The following TENM2 variants were observed in gnomAD, a reference collection of about 807,000 sequenced individuals.
The protein encoded by TENM2 is teneurin-2.
TENM2 carries 52 observed loss-of-function variants against 245.2 expected under a neutral mutation model. The ratio of observed to expected loss-of-function variants is 0.21; its 90% CI spans 0.17 to 0.27. The LOEUF (loss-of-function observed/expected upper bound fraction) is 0.27, where lower values mean the gene tolerates loss of function less well. Ranked by LOEUF, TENM2 falls within the 10% of genes least tolerant of loss-of-function variation. The pLI is 1.00. For missense variants in TENM2, 3,046 were observed against 3,666.8 expected, an observed-to-expected ratio of 0.83 and a Z score of 4.37; for synonymous variants, 1,363 against 1,438.9, an observed-to-expected ratio of 0.95 and a Z score of 1.19.
the TENM2 span, among the ~76,000 whole-genome samples, chr5:167,043,054 A>T: frequency 6.6e-6 from 1 of 152,222 alleles, no homozygotes; most frequent in Non-Finnish European, 1.5e-5. Context: ...GATCTCCAAA[A>T]TAAATTTGTT....
At chr5:167,092,554 T>C in the TENM2 span, among the ~76,000 whole-genome samples, 4 of 152,196 alleles carry the variant, frequency 2.6e-5, no homozygotes, top group African/African-American at 4.8e-5. Flanking sequence ...CCACGGATTA[T>C]GCTACATGTT....
intron 2 of TENM2, among the ~76,000 whole-genome samples, chr5:167,611,820 C>A (rs192713570): frequency 6.6e-6 from 1 of 151,960 alleles, no homozygotes; most frequent in East Asian, 1.9e-4. Flanking sequence ...TCTTCTATAA[C>A]GGCACTAATT....
At chr5:167,832,214 C>T (rs1768563144) in intron 2 of TENM2, among the ~76,000 whole-genome samples, 1 of 152,190 alleles carries the variant, frequency 6.6e-6, no homozygotes, top group South Asian at 2.1e-4. Flanking sequence ...TATTTAGAGG[C>T]AAAGATTTAC....
At chr5:167,352,447 T>A (rs1263150882) in intron 1 of TENM2, among the ~76,000 whole-genome samples, 2 of 152,232 alleles carry the variant, frequency 1.3e-5, no homozygotes, top group African/African-American at 2.4e-5. Flanking sequence ...ATTGAGTCTT[T>A]GATTATTCTT....
chr5:167,488,048 C>T (rs1041009618), intron 2 of TENM2, among the ~76,000 whole-genome samples: 5 of 152,096 alleles, frequency 3.3e-5, no homozygotes, highest in African/African-American at 1.2e-4. Flanking sequence ...GAATTGCACC[C>T]ACATCAATAA....
exon 11 of TENM2, chr5:168,124,915 C>T (rs375848462): frequency 6.2e-7 from 1 of 1,613,022 alleles, no homozygotes; most frequent in African/African-American, 1.3e-5. Flanking sequence ...CCTGTGCAGC[C>T]CTGGCTGGGG....
At chr5:167,303,683 GTCTGTATC>G (rs1755495253) in intron 1 of TENM2, among the ~76,000 whole-genome samples, 1 of 152,158 alleles carries the variant, frequency 6.6e-6, no homozygotes, top group African/African-American at 2.4e-5. Context: ...CTGACAGTGG[GTCTGTATC>G]TCCTTTTCAA....
chr5:167,038,919 CA>C, the TENM2 span, among the ~76,000 whole-genome samples: 9 of 152,010 alleles, frequency 5.9e-5, no homozygotes, highest in Non-Finnish European at 1.3e-4. Context: ...CAAAGAAATT[CA>C]GTAAGAAATG....
intron 1 of TENM2, among the ~76,000 whole-genome samples, chr5:167,308,910 G>T (rs201665753): frequency 1.3e-5 from 2 of 152,084 alleles, no homozygotes; most frequent in African/African-American, 4.8e-5. Flanking sequence ...TGAAGGTTAG[G>T]GAGGGCATTC....
chr5:167,723,620 C>T (rs1759788677), intron 2 of TENM2, among the ~76,000 whole-genome samples: 1 of 152,132 alleles, frequency 6.6e-6, no homozygotes, highest in African/African-American at 2.4e-5. Flanking sequence ...TGGTTGCACC[C>T]CTGGACTTCG....
At chr5:167,657,265 A>G (rs1185510068) in intron 2 of TENM2, among the ~76,000 whole-genome samples, 1 of 152,222 alleles carries the variant, frequency 6.6e-6, no homozygotes, top group Admixed American at 6.5e-5. Context: ...ATTTCACTCA[A>G]GATAATATCC....
intron 15 of TENM2, among the ~76,000 whole-genome samples, chr5:168,198,056 G>C (rs528891569): frequency 6.6e-6 from 1 of 152,268 alleles, no homozygotes; most frequent in East Asian, 1.9e-4. Flanking sequence ...TTTCTATAAA[G>C]GGCCAGAGAG....
intron 25 of TENM2, among the ~76,000 whole-genome samples, chr5:168,241,896 T>G (rs1023700051): frequency 2.6e-5 from 4 of 152,188 alleles, no homozygotes; most frequent in African/African-American, 9.7e-5. Flanking sequence ...CTTATTATTT[T>G]CCTATGATCT....
At chr5:167,994,837 G>T (rs1580998840) in intron 5 of TENM2, among the ~76,000 whole-genome samples, 2 of 152,290 alleles carry the variant, frequency 1.3e-5, no homozygotes, top group Middle Eastern at 6.8e-3. Context: ...GTAATGGATT[G>T]ACCTCAGAAA....
chr5:167,218,420 G>A, the TENM2 span, among the ~76,000 whole-genome samples: 1 of 151,962 alleles, frequency 6.6e-6, no homozygotes, highest in Non-Finnish European at 1.5e-5. Context: ...CTCAGAATTA[G>A]GTAGGCTCAA....
At chr5:167,518,152 C>A (rs922877533) in intron 2 of TENM2, among the ~76,000 whole-genome samples, 2 of 150,096 alleles carry the variant, frequency 1.3e-5, no homozygotes, top group African/African-American at 2.5e-5. Context: ...TAGAGCAAGA[C>A]CCTGTCTCAA....
rs1160567618 is a variant in TENM2, at chr5:167,860,082, G to A, written c.503-15904G>A. Among the ~76,000 whole-genome samples the A allele has an allele frequency of 7.0e-4, 45 of 64,080 alleles. 2 individuals carry two copies. The highest frequency in any genetic ancestry group is 1.2e-3 in the Non-Finnish European group (36 of 29,740). 42.0% of individuals were successfully genotyped at this position (64,080 alleles called of 152,430 possible). A position where few individuals can be genotyped will look rare whatever the true frequency, so the allele number is the denominator to read the frequency against. The stretch of plus-strand genomic sequence containing the variant: ...TGGGGGGGGGTCAGCCCCCCTGCCC[G>A]GCCAGCCGCCCCGTCCGGGAGGTGA... On this transcript the variant is annotated intron_variant, in intron 2 of 28. Coordinates refer to ENST00000518659, the Ensembl canonical transcript of TENM2.
chr5:168,223,509 C>A (rs1315358515), intron 23 of TENM2, among the ~76,000 whole-genome samples: 1 of 147,520 alleles, frequency 6.8e-6, no homozygotes, highest in Non-Finnish European at 1.5e-5. Context: ...TGCTCTGTCG[C>A]CAGGCTGAAG....
At chr5:168,167,277 G>A (rs771237881) in intron 13 of TENM2, among the ~76,000 whole-genome samples, 4 of 152,052 alleles carry the variant, frequency 2.6e-5, no homozygotes, top group Non-Finnish European at 5.9e-5. Flanking sequence ...AGGGGTAGGA[G>A]AGAGGGTGTA....
Sources: allele counts gnomAD v4.1 joint callset (sites outside exome capture counted in the v4.1 genomes callset), GRCh38; gene constraint gnomAD v4.1.1; transcripts MANE v1.5; gene names NCBI Gene and HGNC (gene_info 2026-07-23, HGNC 2026-07-21).